Variants in ZKSCAN2 observed in about 807,000 individuals in gnomAD.
The protein encoded by ZKSCAN2 is zinc finger with KRAB and SCAN domains 2.
ZKSCAN2 carries 38 observed loss-of-function variants against 90.5 expected under a neutral mutation model. The observed-to-expected ratio is 0.42, with a 90% confidence interval of 0.32 to 0.55. ZKSCAN2 has a LOEUF of 0.55. ZKSCAN2 is among the 20% of genes least tolerant of loss of function. The pLI is 0.11. For synonymous variants in ZKSCAN2, 429 were observed against 421.6 expected (o/e 1.02, Z -0.22); for missense variants, 1,167 against 1,202.6 (o/e 0.97, Z 0.44).
At chr16:25,245,771 G>GAA (rs71385530) in intron 5 of ZKSCAN2, among the ~76,000 whole-genome samples, 9 of 120,158 alleles carry the variant, frequency 7.5e-5, no homozygotes, top group Admixed American at 8.5e-5. Flanking sequence ...CACCGTCTCG[G>GAA]AAAAAAAAAA....
At position 25,247,219 on chromosome 16, in the gene ZKSCAN2, C is replaced by T. The variant is rs1420074756; in HGVS notation, c.977G>A (p.Arg326Lys). 1.1e-5 allele frequency: 18 copies of T among 1,614,096 alleles called. No individual in the cohort carries two copies. Among genetic ancestry groups the T allele is most frequent in the Non-Finnish European group, 1.5e-5 (18 of 1,180,042 alleles). The change falls in exon 5 of 7, where the codon AGA becomes AAA. Residue 326 changes from arginine to lysine, a missense_variant. Transcript: ENST00000328086. Reference protein sequence around the residue: ...VPARSAGKTWREQQQWGLEDE... With the variant: ...VPARSAGKTWKEQQQWGLEDE... The stretch of plus-strand genomic sequence containing the variant: ...TTCTAAACCCCACTGCTGCTGCTCT[C>T]TCCATGTTTTTCCTGCACTCCTTGC...
At chr16:25,253,551 T>G (rs550262792) in intron 2 of ZKSCAN2, among the ~76,000 whole-genome samples, 1 of 152,206 alleles carries the variant, frequency 6.6e-6, no homozygotes, top group Non-Finnish European at 1.5e-5. Context: ...GTACTGAATC[T>G]TGCCTCTCAG....
intron 5 of ZKSCAN2, among the ~76,000 whole-genome samples, chr16:25,244,990 C>T (rs1465808999): frequency 1.3e-5 from 2 of 152,206 alleles, no homozygotes; most frequent in Non-Finnish European, 2.9e-5. Flanking sequence ...TTCTTCCAGG[C>T]CTATGACTGG....
intron 4 of ZKSCAN2, among the ~76,000 whole-genome samples, chr16:25,247,932 T>C (rs775986934): frequency 3.3e-5 from 5 of 152,056 alleles, no homozygotes; most frequent in African/African-American, 9.7e-5. Context: ...ATAGAGAGCA[T>C]AGAAGGAAGT....
rs536819105 is a variant in ZKSCAN2 at position 25,253,391 on chromosome 16, T to C, written c.587-354A>G. ...GTACCTTCCCTCCTTCCCTACCCCC[T>C]TTCCCTTCCCCAGCCTTCCTTTCCC... is the stretch of plus-strand genomic sequence containing the variant. On this transcript the variant is annotated intron_variant, in intron 2 of 6. Coordinates refer to ENST00000328086, the MANE Select transcript of ZKSCAN2 (RefSeq NM_001012981.5). 1.0e-3 allele frequency among the ~76,000 whole-genome samples: 155 copies of C among 151,750 alleles called. 4 individuals carry two copies. The East Asian group carries it at 0.026, about 25-fold the overall frequency.
In ZKSCAN2 at chr16:25,243,799, A is replaced by T; in HGVS notation, c.1967T>A (p.Leu656Gln). The T allele has an allele frequency of 6.2e-7, 1 of 1,612,674 alleles. No homozygotes were observed. The highest frequency in any genetic ancestry group is 8.5e-7 in the Non-Finnish European group (1 of 1,179,360). The change falls in exon 6 of 7, where the codon CTG (leucine) becomes CAG (glutamine). Residue 656 changes from leucine (L) to glutamine (Q), a missense_variant. Physicochemically the swap from Leu to Gln is moderately radical, Grantham distance 113. Transcript: ENST00000328086. ...TTGCACCTTACCATTTGGGCTCTGC[A>T]GTAGACCTGGAGGTCCCTGGAACTC... is the stretch of plus-strand genomic sequence containing the variant. ...EPEFQGPPGL[L>Q]QSPNDFEIGS...
At chr16:25,256,094 G>C (rs1963097673) in intron 1 of ZKSCAN2, among the ~76,000 whole-genome samples, 2 of 152,194 alleles carry the variant, frequency 1.3e-5, no homozygotes, top group Non-Finnish European at 2.9e-5. Flanking sequence ...CCTGCTGATA[G>C]ATCTCTACAC....
At position 25,246,932 on chromosome 16, in the gene ZKSCAN2, T is replaced by A; in HGVS notation, c.1264A>T (p.Met422Leu). The A allele has an allele frequency of 6.2e-7, 1 of 1,614,178 alleles. No homozygotes were observed. Among genetic ancestry groups the A allele is most frequent in the Non-Finnish European group, 8.5e-7 (1 of 1,180,016 alleles). ...MLEPCAFFED[M>L]DALLNPAARA... ...GCTGCAGGGTTCAACAAAGCATCCATGTCCTCAAAGAAGGCGCAGGGTTCT... is the reference window on the plus strand; with the variant it reads ...GCTGCAGGGTTCAACAAAGCATCCAAGTCCTCAAAGAAGGCGCAGGGTTCT... Residue 422 changes from methionine to leucine, a missense_variant, in exon 5 of 7, where the codon ATG becomes TTG. Transcript: ENST00000328086.
chr16:25,252,064 C>G, intron 3 of ZKSCAN2, 29 bp from the exon 4 acceptor site: 1 of 1,612,238 alleles, frequency 6.2e-7, no homozygotes, highest in Non-Finnish European at 8.5e-7. Context: ...CAATGACTAC[C>G]AAGATAACTG....
At chr16:25,253,694 T>C (rs1963054856) in intron 2 of ZKSCAN2, among the ~76,000 whole-genome samples, 1 of 152,208 alleles carries the variant, frequency 6.6e-6, no homozygotes, top group Non-Finnish European at 1.5e-5. Context: ...TCTGCACAAA[T>C]AGCCTTGCTA....
intron 4 of ZKSCAN2, among the ~76,000 whole-genome samples, chr16:25,250,146 T>C (rs975324064): frequency 6.6e-6 from 1 of 152,034 alleles, no homozygotes; most frequent in African/African-American, 2.4e-5. Context: ...CCGTCTCTAC[T>C]AAAAATACAA....
rs766603737 is a variant in ZKSCAN2, at chr16:25,240,574, T to C, written c.2146A>G (p.Asn716Asp). The change falls in exon 7 of 7, where the codon AAT becomes GAT. Residue 716 changes from asparagine (N) to aspartate (D), a missense_variant. Asn to Asp is a conservative substitution (Grantham distance 23, BLOSUM62 1). Coordinates refer to ENST00000328086, the MANE Select transcript of ZKSCAN2 (RefSeq NM_001012981.5). Reference sequence around the variant, plus strand: ...TTTCCCTGTCTAATTCCTTGAAGATTTTCCCATTGTCTTCCTGAGATGCAT... The same window carrying C: ...TTTCCCTGTCTAATTCCTTGAAGATCTTCCCATTGTCTTCCTGAGATGCAT... ...RECISGRQWE[N>D]LQGIRQGKPM... The C allele has an allele frequency of 5.6e-6, 9 of 1,614,076 alleles. No individual in the cohort carries two copies. The highest frequency in any genetic ancestry group is 1.6e-4 in the Middle Eastern group (1 of 6,084).
chr16:25,253,810 C>A (rs970983859), intron 2 of ZKSCAN2, among the ~76,000 whole-genome samples: 2 of 152,184 alleles, frequency 1.3e-5, no homozygotes, highest in Admixed American at 1.3e-4. Flanking sequence ...GAGTTCAAGA[C>A]CAGCCTGGTC....
chr16:25,249,064 T>A (rs1386959683), intron 4 of ZKSCAN2, among the ~76,000 whole-genome samples: 1 of 152,180 alleles, frequency 6.6e-6, no homozygotes, highest in Non-Finnish European at 1.5e-5. Context: ...ACCTCACTTT[T>A]TTGGCAGTAT....
Position 25,239,590 on chromosome 16 carries a change from C to G in ZKSCAN2, c.*226G>C, listed in dbSNP as rs1962815981. 1 of 464,104 alleles carries G rather than the reference C, an allele frequency of 2.2e-6. No individual in the cohort carries two copies. The highest frequency in any genetic ancestry group is 1.9e-5 in the African/African-American group (1 of 51,992). 28.7% of individuals were successfully genotyped at this position (464,104 alleles called of 1,614,324 possible). ...AAGGGTATTTCATTCTGAACTCGGA[C>G]AATGTATCTTCGCCACATTCTTAAA... On this transcript the variant is annotated 3_prime_UTR_variant, in exon 7 of 7. Transcript: ENST00000328086.
chr16:25,257,446 C>A lies in ZKSCAN2; in HGVS notation c.-319G>T, dbSNP rs533054663. The A allele has an allele frequency of 5.5e-4, 580 of 1,060,240 alleles. 4 individuals are homozygous for A. In the African/African-American group the frequency reaches 9.1e-3, roughly 17 times the overall value. The allele number at this position is 1,060,240 out of a possible 1,614,324, so 65.7% of individuals were successfully genotyped here. On this transcript the variant is annotated 5_prime_UTR_variant, in exon 1 of 7. Coordinates refer to ENST00000328086, the MANE Select transcript of ZKSCAN2 (RefSeq NM_001012981.5). ...CTGGACGACTGGGAGAAAAATGAAG[C>A]AGGCTGAGGAAAGGCTGGGCGGAGG...
intron 4 of ZKSCAN2, 95 bp from the exon 5 acceptor site, chr16:25,247,485 C>T: frequency 9.6e-7 from 1 of 1,043,376 alleles, no homozygotes; most frequent in Non-Finnish European, 1.4e-6. Flanking sequence ...GCCACTTGTT[C>T]ACACCCAAAC....
chr16:25,240,750 A>G lies in ZKSCAN2; in HGVS notation c.1982-12T>C. On this transcript the variant is annotated splice_polypyrimidine_tract_variant and intron_variant, in intron 6 of 6. Transcript: ENST00000328086. ...TCCGATTTCAAAATCTGAAAAAATG[A>G]AAGACAATACAAATTTTATACAAGT... 1 of 1,600,774 alleles carries G rather than the reference A, an allele frequency of 6.2e-7. No individual in the cohort carries two copies. The highest frequency in any genetic ancestry group is 8.5e-7 in the Non-Finnish European group (1 of 1,171,762).
chr16:25,257,155 C>T lies in ZKSCAN2; in HGVS notation c.-28G>A. The T allele has an allele frequency of 6.4e-7, 1 of 1,557,546 alleles. No individual in the cohort carries two copies. The highest frequency in any genetic ancestry group is 8.7e-7 in the Non-Finnish European group (1 of 1,153,162). ...TGCAGCCCAGGGGTCAACTTCACGT[C>T]TAGCTCAAGGTGGGGACCCAAAGAA... On this transcript the variant is annotated 5_prime_UTR_variant, in exon 1 of 7. Transcript: ENST00000328086.
Sources: gnomAD v4.1 joint callset for allele counts (sites outside exome capture counted in the v4.1 genomes callset) on GRCh38, gnomAD v4.1.1 for gene constraint, MANE v1.5 for transcripts, NCBI Gene and HGNC (gene_info 2026-07-23, HGNC 2026-07-21) for gene names.